The following ARMH3 variants were observed in gnomAD, a reference collection of about 807,000 sequenced individuals.
ARMH3 encodes armadillo-like helical domain-containing protein 3.
A neutral mutation model predicts 99.1 loss-of-function variants in ARMH3; 60 were observed. The ratio of observed to expected loss-of-function variants is 0.61; its 90% CI spans 0.49 to 0.75. The LOEUF (loss-of-function observed/expected upper bound fraction) is 0.75, where lower values mean the gene tolerates loss of function less well. Among genes scored for constraint, ARMH3 ranks in the 30% least tolerant of loss-of-function variants. ARMH3 has a pLI of 0.00. For missense variants in ARMH3, 679 were observed against 843.1 expected (o/e 0.81, Z 2.41); for synonymous variants, 285 against 292.8 (o/e 0.97, Z 0.27).
chr10:101,965,765 GC>G lies in ARMH3; in HGVS notation c.1496-8034del, dbSNP rs1845503693. The stretch of plus-strand genomic sequence containing the variant: ...TTCATTGGCAAGTCTTTCATACCAG[GC>G]CCCTTGAAAACTTATTTTCTGGGCT... On this transcript the variant is annotated intron_variant, in intron 20 of 25. Coordinates refer to ENST00000370033, the MANE Select transcript of ARMH3 (RefSeq NM_024541.3). 5.3e-5 allele frequency among the ~76,000 whole-genome samples: 8 copies of G among 152,252 alleles called. No homozygotes were observed. The South Asian group carries it at 1.7e-3, about 32-fold the overall frequency.
In ARMH3 at chr10:101,847,921, G is replaced by T. The variant is rs375839338; in HGVS notation, c.1978-301C>A. On this transcript the variant is annotated intron_variant, in intron 25 of 25. Transcript: ENST00000370033. ...GAAAGGAGGGCTGAGGCTGACATCTGTCTCTGCTTTGGCTATGCAGAAGGG... is the reference window on the plus strand; with the variant it reads ...GAAAGGAGGGCTGAGGCTGACATCTTTCTCTGCTTTGGCTATGCAGAAGGG... Among the ~76,000 whole-genome samples the T allele has an allele frequency of 1.6e-3, 246 of 152,330 alleles. 3 individuals are homozygous for T. The South Asian group carries it at 0.047, about 29-fold the overall frequency.
At chr10:102,021,399 T>A (rs79849726) in intron 8 of ARMH3, among the ~76,000 whole-genome samples, 4 of 150,444 alleles carry the variant, frequency 2.7e-5, no homozygotes, top group Admixed American at 1.3e-4. Context: ...TTTTTTTTTT[T>A]AAAGACAGGG....
chr10:101,849,681 CTTGTT>C (rs2066541707), intron 25 of ARMH3, 90 bp downstream of exon 25: 13 of 1,029,242 alleles, frequency 1.3e-5, no homozygotes, highest in African/African-American at 3.2e-5. Context: ...CCCCTCAAGT[CTTGTT>C]TTATCTGCAG....
chr10:101,890,483 C>A (rs1305792979), intron 23 of ARMH3, among the ~76,000 whole-genome samples: 1 of 152,158 alleles, frequency 6.6e-6, no homozygotes, highest in African/African-American at 2.4e-5. Flanking sequence ...CTCAAGCAAT[C>A]CACAGGTCTC....
chr10:101,915,323 A>G (rs1380922894), intron 23 of ARMH3, among the ~76,000 whole-genome samples: 1 of 152,244 alleles, frequency 6.6e-6, no homozygotes, highest in Non-Finnish European at 1.5e-5. Context: ...CACTTAGGGA[A>G]TCAGCATCTT....
chr10:101,917,454 T>C (rs1287303887), intron 23 of ARMH3, among the ~76,000 whole-genome samples: 1 of 152,250 alleles, frequency 6.6e-6, no homozygotes, highest in African/African-American at 2.4e-5. Flanking sequence ...TACTGTAGAA[T>C]AGTATTTCAT....
At position 101,995,310 on chromosome 10, in the gene ARMH3, G is replaced by A; in HGVS notation, c.1196C>T (p.Thr399Ile). Residue 399 changes from threonine (T) to isoleucine (I), a missense_variant, in exon 16 of 26, where the codon ACA becomes ATA. By Grantham distance (89) the Thr-to-Ile change is moderately conservative (BLOSUM62 -1). This residue lies in a region of ARMH3 where 389 missense variants were observed against 456.5 expected (regional missense o/e 0.85). Coordinates refer to ENST00000370033, the MANE Select transcript of ARMH3 (RefSeq NM_024541.3). ...CGTGAGACCTACCTCTGCAATACATGTAAGGATAATCAGACAGAGTTTGCC... is the reference window on the plus strand; with the variant it reads ...CGTGAGACCTACCTCTGCAATACATATAAGGATAATCAGACAGAGTTTGCC... Reference protein sequence around the residue: ...HSGKLCLIILTCIAEDQYANA... With the variant: ...HSGKLCLIILICIAEDQYANA... The A allele has an allele frequency of 3.7e-6, 6 of 1,613,806 alleles. No homozygotes were observed. Among genetic ancestry groups the A allele is most frequent in the Non-Finnish European group, 5.1e-6 (6 of 1,179,770 alleles).
At chr10:101,853,029 G>A (rs1228899278) in intron 24 of ARMH3, among the ~76,000 whole-genome samples, 5 of 149,428 alleles carry the variant, frequency 3.3e-5, no homozygotes, top group African/African-American at 7.4e-5. Flanking sequence ...GATTACAGGC[G>A]CCTGCCACCA....
At chr10:101,907,242 T>C (rs973881505) in intron 23 of ARMH3, among the ~76,000 whole-genome samples, 2 of 152,160 alleles carry the variant, frequency 1.3e-5, no homozygotes, top group Admixed American at 6.5e-5. Flanking sequence ...TCTAGATCTA[T>C]GGAAAGGTAT....
intron 24 of ARMH3, among the ~76,000 whole-genome samples, chr10:101,853,150 C>T (rs1031188983): frequency 6.6e-6 from 1 of 151,432 alleles, no homozygotes. Context: ...CTCAGTCTCT[C>T]AAAGTGCTGG....
At chr10:101,912,596 C>G (rs925808595) in intron 23 of ARMH3, among the ~76,000 whole-genome samples, 1 of 152,142 alleles carries the variant, frequency 6.6e-6, no homozygotes, top group African/African-American at 2.4e-5. Context: ...TCTAAATTGA[C>G]AATCATGTTG....
chr10:101,930,413 T>C (rs1027427389), intron 23 of ARMH3, among the ~76,000 whole-genome samples: 1 of 152,004 alleles, frequency 6.6e-6, no homozygotes. Context: ...GCAAAAGTAA[T>C]AGCAGTTTTG....
chr10:102,024,809 ACT>A (rs1264572687), intron 6 of ARMH3, among the ~76,000 whole-genome samples: 7 of 150,910 alleles, frequency 4.6e-5, no homozygotes, highest in Non-Finnish European at 1.5e-5. Flanking sequence ...ACGGAGCAAG[ACT>A]CTGTCTCAAA....
chr10:101,899,562 C>T (rs1039152373), intron 23 of ARMH3, among the ~76,000 whole-genome samples: 1 of 152,138 alleles, frequency 6.6e-6, no homozygotes, highest in African/African-American at 2.4e-5. Context: ...ACCCAAATCA[C>T]CAACAACAAA....
At chr10:101,904,150 G>A (rs566779898) in intron 23 of ARMH3, among the ~76,000 whole-genome samples, 2 of 152,318 alleles carry the variant, frequency 1.3e-5, no homozygotes, top group South Asian at 4.1e-4. Context: ...GCAGCTGCCT[G>A]TTATAAGAGT....
chr10:102,033,325 A>C lies in ARMH3; in HGVS notation c.117T>G (p.Ser39Arg). The change falls in exon 3 of 26, where the codon AGT becomes AGG. Residue 39 changes from serine to arginine, a missense_variant. Physicochemically the swap from Ser to Arg is moderately radical, Grantham distance 110. This residue lies in a region of ARMH3 where 280 missense variants were observed against 354.6 expected (regional missense o/e 0.79). Coordinates refer to ENST00000370033, the MANE Select transcript of ARMH3 (RefSeq NM_024541.3). ...CCTCCCAAAACCGAGGACTGCACTT[A>C]CTGGGGTCCTCTGTCTGAAACCAGA... ...YDEIFMTEDP[S>R]KCSPRFWEEL... The C allele has an allele frequency of 6.2e-7, 1 of 1,614,120 alleles. No individual in the cohort carries two copies. The highest frequency in any genetic ancestry group is 8.5e-7 in the Non-Finnish European group (1 of 1,180,002).
chr10:101,985,078 T>TACACACACAC (rs35926257), intron 19 of ARMH3, among the ~76,000 whole-genome samples: 9 of 136,176 alleles, frequency 6.6e-5, no homozygotes, highest in East Asian at 2.1e-4. Context: ...AAAATATATA[T>TACACACACAC]ACACACACAC....
chr10:102,027,189 G>A (rs1285110187), intron 5 of ARMH3, among the ~76,000 whole-genome samples: 2 of 149,968 alleles, frequency 1.3e-5, no homozygotes, highest in African/African-American at 4.9e-5. Context: ...TGAGGCAGGA[G>A]AATCGCTTGA....
chr10:101,877,268 T>C (rs1203697900), intron 24 of ARMH3, among the ~76,000 whole-genome samples: 1 of 150,284 alleles, frequency 6.7e-6, no homozygotes, highest in East Asian at 2.0e-4. Flanking sequence ...GAGGTGGAGG[T>C]GGTAGGATCA....
Sources: allele counts gnomAD v4.1 joint callset (sites outside exome capture counted in the v4.1 genomes callset), GRCh38; gene constraint gnomAD v4.1.1; regional missense constraint gnomAD v4.1.1; transcripts MANE v1.5; gene names NCBI Gene and HGNC (gene_info 2026-07-23, HGNC 2026-07-21).